Variants in DZIP1 observed in about 807,000 individuals in gnomAD.
DZIP1 encodes the protein cilium assembly protein DZIP1.
DZIP1 carries 97 observed loss-of-function variants against 107.6 expected under a neutral mutation model. The observed-to-expected ratio is 0.90, with a 90% CI of 0.77 to 1.07. The LOEUF (loss-of-function observed/expected upper bound fraction) is 1.07. Among genes scored for constraint, DZIP1 ranks in the 50% least tolerant of loss-of-function variants. The pLI, the probability that DZIP1 is intolerant of heterozygous loss-of-function variation, is 0.00. For missense variants in DZIP1, 1,035 were observed against 1,063.6 expected (o/e 0.97, Z 0.37); for synonymous variants, 390 against 386.4 (o/e 1.01, Z -0.11).
In DZIP1 at chr13:95,630,035, G is replaced by A; in HGVS notation, c.764C>T (p.Ser255Phe). ...GGCATGGTGTGCAGCCTCTAGCTCAGACCTGGTGAGCTGCAGCTCTTCCTT... is the reference window on the plus strand; with the variant it reads ...GGCATGGTGTGCAGCCTCTAGCTCAAACCTGGTGAGCTGCAGCTCTTCCTT... ...VLKEELQLTR[S>F]ELEAAHHASA... The change falls in exon 7 of 23, where the codon TCT (serine) becomes TTT (phenylalanine). Residue 255 changes from serine (S) to phenylalanine (F), a missense_variant. Transcript: ENST00000376829. 1 of 1,613,844 alleles carries A rather than the reference G, an allele frequency of 6.2e-7. No homozygotes were observed. Among genetic ancestry groups the A allele is most frequent in the Non-Finnish European group, 8.5e-7 (1 of 1,179,878 alleles).
rs1260374204 is a variant in DZIP1 at position 95,643,247 on chromosome 13, T to A, written c.-417A>T. The A allele has an allele frequency of 6.6e-6, 1 of 152,122 alleles. No individual in the cohort carries two copies. Among genetic ancestry groups the A allele is most frequent in the Non-Finnish European group, 1.5e-5 (1 of 68,018 alleles). 9.4% of individuals were successfully genotyped at this position (152,122 alleles called of 1,614,324 possible). Reference sequence around the variant, plus strand: ...TGCTTGGACCAGACATCAGGAATTTTTTTTTCTTTCCTAACATCCAAATAT... The same window carrying A: ...TGCTTGGACCAGACATCAGGAATTTATTTTTCTTTCCTAACATCCAAATAT... On this transcript the variant is annotated 5_prime_UTR_variant, in exon 3 of 23. It introduces an in-frame stop codon into an upstream open reading frame of the 5' UTR. Transcript: ENST00000376829.
chr13:95,608,302 C>G (rs74109015), intron 13 of DZIP1, among the ~76,000 whole-genome samples: 2,361 of 151,824 alleles, frequency 0.016, 59 homozygotes, highest in African/African-American at 0.053. Context: ...CAAATGTGTA[C>G]ATTTTAAAAC....
rs190001068 is a variant in DZIP1 at position 95,611,416 on chromosome 13, C to A, written c.1363+29G>T. Reference sequence around the variant, plus strand: ...AGTGCAATTGGGGAGGTTCCCCTTGCCGCCAGTACCGGGATCCCATCCACT... The same window carrying A: ...AGTGCAATTGGGGAGGTTCCCCTTGACGCCAGTACCGGGATCCCATCCACT... On this transcript the variant is annotated intron_variant, in intron 12 of 22. Transcript: ENST00000376829. 108 of 1,603,642 alleles carry A rather than the reference C, an allele frequency of 6.7e-5. No homozygotes were observed. The African/African-American group carries it at 1.1e-3, about 16-fold the overall frequency.
At chr13:95,619,510 C>A (rs936092998) in intron 10 of DZIP1, among the ~76,000 whole-genome samples, 1 of 152,158 alleles carries the variant, frequency 6.6e-6, no homozygotes, top group Non-Finnish European at 1.5e-5. Flanking sequence ...GTTAATGATA[C>A]CAATGCATCG....
At chr13:95,583,346 A>T (rs2044062515) in intron 22 of DZIP1, among the ~76,000 whole-genome samples, 1 of 152,086 alleles carries the variant, frequency 6.6e-6, no homozygotes, top group African/African-American at 2.4e-5. Context: ...GGTGGTGAAA[A>T]TGAGCCAAGT....
intron 11 of DZIP1, 38 bp downstream of exon 11, chr13:95,611,999 C>T (rs2045024172): frequency 1.9e-6 from 3 of 1,604,540 alleles, no homozygotes; most frequent in East Asian, 4.5e-5. Context: ...GACTGCGTTG[C>T]TTAAAGAAGC....
At chr13:95,601,853 A>T (rs534549672) in intron 14 of DZIP1, among the ~76,000 whole-genome samples, 1 of 152,274 alleles carries the variant, frequency 6.6e-6, no homozygotes, top group East Asian at 1.9e-4. Flanking sequence ...CCTGGTCCCC[A>T]GTCACCTGCT....
chr13:95,616,119 T>C (rs563889597), intron 10 of DZIP1, among the ~76,000 whole-genome samples: 35 of 152,300 alleles, frequency 2.3e-4, no homozygotes, highest in Non-Finnish European at 1.5e-5. Flanking sequence ...TGGAGCCACC[T>C]GTGGTGCAGA....
At chr13:95,600,615 G>C (rs2044591416) in intron 14 of DZIP1, among the ~76,000 whole-genome samples, 1 of 149,902 alleles carries the variant, frequency 6.7e-6, no homozygotes, top group Non-Finnish European at 1.5e-5. Flanking sequence ...TAGATAGATA[G>C]ATAGATAGAT....
Position 95,599,389 on chromosome 13 carries a change from C to G in DZIP1, c.1513G>C (p.Glu505Gln), listed in dbSNP as rs1423507960. 5 of 1,613,682 alleles carry G rather than the reference C, an allele frequency of 3.1e-6. No individual in the cohort carries two copies. In the African/African-American group the frequency reaches 6.7e-5, roughly 22 times the overall value. ...AFSSHILEPI[E>Q]ELSEEEKGRE... ...CCTTTTTCTTCCTCTGAAAGTTCTT[C>G]TATTGGTTCCAGTATGTGCGACGAG... The change falls in exon 15 of 23, where the codon GAA (glutamate) becomes CAA (glutamine). Residue 505 changes from glutamate (E) to glutamine (Q), a missense_variant. Physicochemically the swap from Glu to Gln is conservative, Grantham distance 29. Transcript: ENST00000376829.
In DZIP1 at chr13:95,640,619, C is replaced by A. The variant is rs769396953; in HGVS notation, c.597+676G>T. On this transcript the variant is annotated intron_variant, in intron 5 of 22. Transcript: ENST00000376829. The stretch of plus-strand genomic sequence containing the variant: ...TATACTCAAAAATTGCAATATTTAT[C>A]TTGGACTCAATGTCTAACCCAAAAC... Among the ~76,000 whole-genome samples the A allele has an allele frequency of 6.6e-5, 10 of 152,056 alleles. No individual in the cohort carries two copies. The East Asian group carries it at 1.3e-3, about 21-fold the overall frequency.
chr13:95,608,046 T>TA (rs2044838029), intron 13 of DZIP1, among the ~76,000 whole-genome samples: 1 of 152,236 alleles, frequency 6.6e-6, no homozygotes, highest in Non-Finnish European at 1.5e-5. Flanking sequence ...GATGAAAACT[T>TA]CCCTGCCATC....
chr13:95,621,316 G>T (rs1875815026), intron 9 of DZIP1, among the ~76,000 whole-genome samples: 1 of 152,184 alleles, frequency 6.6e-6, no homozygotes, highest in South Asian at 2.1e-4. Flanking sequence ...GATGGCCCAG[G>T]GCCCAGAATC....
chr13:95,583,707 A>G (rs952697048), intron 22 of DZIP1, among the ~76,000 whole-genome samples: 2 of 152,228 alleles, frequency 1.3e-5, no homozygotes, highest in African/African-American at 4.8e-5. Flanking sequence ...AAAATATTTA[A>G]TAGGGAAACA....
chr13:95,587,672 G>A lies in DZIP1; in HGVS notation c.2085C>T (p.Tyr695=), dbSNP rs754497843. ...GCACAGGAAGTGGGCCTGGGGATGC[G>A]TATGCCCGGATGAGGTCGTCGTCCT... ...EQEDDDLIRA[Y]ASPGPLPVPP... The change falls in exon 20 of 23, where the codon TAC becomes TAT. Residue 695 remains tyrosine (Y), a synonymous_variant. Coordinates refer to ENST00000376829, the MANE Select transcript of DZIP1 (RefSeq NM_198968.4). 7.4e-6 allele frequency: 12 copies of A among 1,614,088 alleles called. No homozygotes were observed. The highest frequency in any genetic ancestry group is 5.0e-5 in the Admixed American group (3 of 60,022).
Position 95,613,623 on chromosome 13 carries a change from GATGAGTATATAAGGGCACCTA to G in DZIP1, c.1174-1467_1174-1447del, listed in dbSNP as rs1594697672. On this transcript the variant is annotated intron_variant, in intron 10 of 22. Transcript: ENST00000376829. Reference sequence around the variant, plus strand: ...AGGAGCAGGAAGTGTCCGTGCCTGAGATGAGTATATAAGGGCACCTAGACCAGCATTTCCTCATTTGCTTGC... The same window carrying G: ...AGGAGCAGGAAGTGTCCGTGCCTGAGGACCAGCATTTCCTCATTTGCTTGC... Among the ~76,000 whole-genome samples, 3 of 152,184 alleles carry G rather than the reference GATGAGTATATAAGGGCACCTA, an allele frequency of 2.0e-5. 1 individual carries two copies. In the East Asian group the frequency reaches 5.8e-4, roughly 29 times the overall value.
rs879890227 is a variant in DZIP1 at position 95,629,935 on chromosome 13, T to C, written c.810+54A>G. The stretch of plus-strand genomic sequence containing the variant: ...CTGTTTATTAGAGTCCATGGCATAA[T>C]TGAATTACATACAGTTAATTGTAAT... On this transcript the variant is annotated intron_variant, in intron 7 of 22. Transcript: ENST00000376829. 9.2e-6 allele frequency: 14 copies of C among 1,524,256 alleles called. No homozygotes were observed. The Admixed American group carries it at 1.1e-4, about 12-fold the overall frequency. 94.4% of individuals were successfully genotyped at this position (1,524,256 alleles called of 1,614,324 possible).
chr13:95,590,191 T>G, intron 17 of DZIP1, 88 bp downstream of exon 17: 1 of 1,274,298 alleles, frequency 7.8e-7, no homozygotes, highest in Non-Finnish European at 1.1e-6. Flanking sequence ...TATAATAATT[T>G]GTTTAATGAT....
At chr13:95,606,617 C>T (rs1285664921) in intron 13 of DZIP1, among the ~76,000 whole-genome samples, 1 of 152,168 alleles carries the variant, frequency 6.6e-6, no homozygotes, top group Non-Finnish European at 1.5e-5. Flanking sequence ...TATAAACTGA[C>T]CACATTTTAT....
Sources: allele counts gnomAD v4.1 joint callset (sites outside exome capture counted in the v4.1 genomes callset), GRCh38; gene constraint gnomAD v4.1.1; transcripts MANE v1.5; gene names NCBI Gene and HGNC (gene_info 2026-07-23, HGNC 2026-07-21).